Variants in SERPINE2 observed in about 807,000 individuals in gnomAD.
The protein encoded by SERPINE2 is glia-derived nexin.
In SERPINE2, 14 loss-of-function variants were observed where a neutral mutation model predicts 36.3. The observed-to-expected ratio is 0.39, with a 90% CI of 0.25 to 0.60. SERPINE2 has a LOEUF of 0.60. Ranked by LOEUF, SERPINE2 falls within the 20% of genes least tolerant of loss-of-function variation. The pLI is 0.57. For missense variants in SERPINE2, 418 were observed against 499.6 expected, an observed-to-expected ratio of 0.84 and a Z score of 1.56; for synonymous variants, 192 against 191.8, an observed-to-expected ratio of 1.00 and a Z score of -0.01.
chr2:224,035,046 A>G (rs1692489477), intron 1 of SERPINE2, among the ~76,000 whole-genome samples: 1 of 152,170 alleles, frequency 6.6e-6, no homozygotes, highest in Admixed American at 6.5e-5. Flanking sequence ...GAGCCATTGA[A>G]TTTTATTAGG....
intron 2 of SERPINE2, chr2:224,001,431 C>T (rs1023903743): frequency 5.7e-6 from 3 of 530,552 alleles, no homozygotes; most frequent in Non-Finnish European, 6.5e-6. Flanking sequence ...TCCAAAAGTA[C>T]AAAAAAGGGA....
chr2:224,026,092 C>T lies in SERPINE2; in HGVS notation c.-23+13007G>A, dbSNP rs148887779. On this transcript the variant is annotated intron_variant, in intron 1 of 8. Coordinates refer to ENST00000409304, the MANE Select transcript of SERPINE2 (RefSeq NM_001136528.2). ...ATCAAAATCTCCCATATGCAGTCCT[C>T]CATGATCTTTCTGCTTCCGCCAGTT... Among the ~76,000 whole-genome samples, 1,184 of 152,320 alleles carry T rather than the reference C, an allele frequency of 7.8e-3. 9 individuals are homozygous for T. The highest frequency in any genetic ancestry group is 0.011 in the Admixed American group (171 of 15,306).
intron 7 of SERPINE2, chr2:223,980,018 G>C: frequency 3.9e-6 from 1 of 253,662 alleles, no homozygotes; most frequent in Non-Finnish European, 7.6e-6. Context: ...AATGGAGATG[G>C]TATGACACAC....
intron 1 of SERPINE2, chr2:224,010,420 TAC>T (rs1205414172): frequency 1.0e-6 from 1 of 956,516 alleles, no homozygotes; most frequent in Non-Finnish European, 1.2e-6. Flanking sequence ...TATTATAAAG[TAC>T]ACTCTGACAT....
Position 223,991,973 on chromosome 2 carries a change from T to C in SERPINE2, c.515A>G (p.Asp172Gly), listed in dbSNP as rs1690693811. ...RDMIDNLLSP[D>G]LIDGVLTRLV... ...TCTGGTGAGCACACCATCAATAAGA[T>C]CTGGGGACAGCAGATTGTCAATCAT... The change falls in exon 4 of 9, where the codon GAT becomes GGT. Residue 172 changes from aspartate to glycine, a missense_variant. Physicochemically the swap from Asp to Gly is moderately conservative, Grantham distance 94. Transcript: ENST00000409304. 1 of 1,613,914 alleles carries C rather than the reference T, an allele frequency of 6.2e-7. No individual in the cohort carries two copies. The highest frequency in any genetic ancestry group is 8.5e-7 in the Non-Finnish European group (1 of 1,179,990).
intron 3 of SERPINE2, 130 bp downstream of exon 3, chr2:223,997,985 T>C (rs543124849): frequency 2.9e-6 from 2 of 699,770 alleles, no homozygotes; most frequent in South Asian, 1.7e-5. Context: ...GAATAGAGCT[T>C]CCTTGGTCCA....
At chr2:224,031,557 G>C (rs1692370548) in intron 1 of SERPINE2, 1 of 950,446 alleles carries the variant, frequency 1.1e-6, no homozygotes, top group South Asian at 4.9e-5. Flanking sequence ...AAGGGCATGT[G>C]ACCACGTGAC....
intron 2 of SERPINE2, chr2:224,001,422 C>A (rs1253713393): frequency 1.9e-6 from 1 of 514,798 alleles, no homozygotes; most frequent in Non-Finnish European, 3.4e-6. Flanking sequence ...ACCCCAAGCT[C>A]CAAAAGTACA....
At chr2:224,019,178 A>T (rs1398840772) in intron 1 of SERPINE2, among the ~76,000 whole-genome samples, 1 of 152,208 alleles carries the variant, frequency 6.6e-6, no homozygotes, top group African/African-American at 2.4e-5. Context: ...TTTCCTGTTC[A>T]TAAGTACCTA....
chr2:224,007,484 A>G (rs979038717), intron 1 of SERPINE2, among the ~76,000 whole-genome samples: 5 of 152,218 alleles, frequency 3.3e-5, no homozygotes, highest in Non-Finnish European at 7.3e-5. Flanking sequence ...TACTCAAATC[A>G]AAGATGATTT....
rs778741536 is a variant in SERPINE2 at position 223,984,811 on chromosome 2, C to T, written c.825G>A (p.Lys275=). Reference sequence around the variant, plus strand: ...TGATGCTCATCCAGCTGTCTATGGTCTTGGTGCTGATGTGTGGGATGATGG... The same window carrying T: ...TGATGCTCATCCAGCTGTCTATGGTTTTGGTGCTGATGTGTGGGATGATGG... ...LSAIIPHIST[K]TIDSWMSIMV... is the part of the protein sequence containing the mutation. The change falls in exon 5 of 9, where the codon AAG becomes AAA. Residue 275 remains lysine, a synonymous_variant. Coordinates refer to ENST00000409304, the MANE Select transcript of SERPINE2 (RefSeq NM_001136528.2). 50 of 1,613,822 alleles carry T rather than the reference C, an allele frequency of 3.1e-5. No individual in the cohort carries two copies. In the Admixed American group the frequency reaches 6.0e-4, roughly 19 times the overall value.
In SERPINE2 at chr2:224,038,864, C is replaced by T. The variant is rs533366034; in HGVS notation, c.-23+235G>A. ...CCCGGGTCCCGCTCGGGGCTCCCGG[C>T]GGGCGGGACCGGGATGCCCGGCGAG... On this transcript the variant is annotated intron_variant, in intron 1 of 8. Coordinates refer to ENST00000409304, the MANE Select transcript of SERPINE2 (RefSeq NM_001136528.2). The T allele has an allele frequency of 1.7e-3, 399 of 239,566 alleles. 2 individuals carry two copies. Among genetic ancestry groups the T allele is most frequent in the African/African-American group, 8.4e-3 (375 of 44,620 alleles). The allele number at this position is 239,566 out of a possible 1,614,324, so 14.8% of individuals were successfully genotyped here. A position where few individuals can be genotyped will look rare whatever the true frequency, so the allele number is the denominator to read the frequency against.
In SERPINE2 at chr2:224,001,871, C is replaced by A; in HGVS notation, c.30G>T (p.Leu10Phe). The A allele has an allele frequency of 6.2e-7, 1 of 1,613,890 alleles. No individual in the cohort carries two copies. Residue 10 changes from leucine to phenylalanine, a missense_variant, in exon 2 of 9, where the codon TTG (leucine) becomes TTT (phenylalanine). Physicochemically the swap from Leu to Phe is conservative, Grantham distance 22 (BLOSUM62 0). Coordinates refer to ENST00000409304, the MANE Select transcript of SERPINE2 (RefSeq NM_001136528.2). Reference protein sequence around the residue: MNWHLPLFLLASVTLPSICS... With the variant: MNWHLPLFLFASVTLPSICS... ...AGATGGAAGGCAGCGTCACAGAGGC[C>A]AAGAGGAAGAGGGGGAGATGCCAGT...
chr2:223,998,039 C>T, intron 3 of SERPINE2, 76 bp downstream of exon 3: 5 of 1,222,080 alleles, frequency 4.1e-6, no homozygotes, highest in Non-Finnish European at 6.0e-6. Context: ...CTTGCAGACA[C>T]CACTTTGAAC....
rs375757013 is a variant in SERPINE2, at chr2:223,991,866, C to T, written c.622G>A (p.Val208Met). 5.6e-6 allele frequency: 9 copies of T among 1,613,314 alleles called. No individual in the cohort carries two copies. The East Asian group carries it at 6.7e-5, about 12-fold the overall frequency. Residue 208 changes from valine (V) to methionine (M), a missense_variant, in exon 4 of 9, where the codon GTG becomes ATG. Transcript: ENST00000409304. ...QPENTKKRTF[V>M]AADGKSYQVP... ...TGATAGGATTTCCCGTCGGCTGCCA[C>T]GAAAGTGCGTTTCTTTGTGTTCTCG...
At chr2:224,015,514 A>G (rs1234112561) in intron 1 of SERPINE2, among the ~76,000 whole-genome samples, 2 of 152,118 alleles carry the variant, frequency 1.3e-5, no homozygotes, top group African/African-American at 4.8e-5. Context: ...TTCTGGAAAT[A>G]TTTTTCCTTT....
intron 1 of SERPINE2, among the ~76,000 whole-genome samples, chr2:224,025,243 C>A (rs2106195845): frequency 6.6e-6 from 1 of 152,312 alleles, no homozygotes; most frequent in East Asian, 1.9e-4. Flanking sequence ...CCCTGGGTCT[C>A]TTTTCATTCC....
chr2:223,987,513 AGACT>A (rs1419278890), intron 4 of SERPINE2, among the ~76,000 whole-genome samples: 1 of 152,242 alleles, frequency 6.6e-6, no homozygotes, highest in Non-Finnish European at 1.5e-5. Context: ...TCTGGAAGGC[AGACT>A]GAGTATTCTT....
At chr2:223,991,674 C>T in intron 4 of SERPINE2, 129 bp downstream of exon 4, 1 of 936,182 alleles carries the variant, frequency 1.1e-6, no homozygotes, top group Non-Finnish European at 1.7e-6. Flanking sequence ...TGCCTCTCAG[C>T]ACCCTGCTCT....
Sources: gnomAD v4.1 joint callset for allele counts (sites outside exome capture counted in the v4.1 genomes callset) on GRCh38, gnomAD v4.1.1 for gene constraint, MANE v1.5 for transcripts, NCBI Gene and HGNC (gene_info 2026-07-23, HGNC 2026-07-21) for gene names.